The following ADAMTSL1 variants were observed in gnomAD, a reference collection of about 807,000 sequenced individuals.
ADAMTSL1 encodes the protein ADAMTS like 1.
A neutral mutation model predicts 201.8 loss-of-function variants in ADAMTSL1; 126 were observed. The ratio of observed to expected loss-of-function variants is 0.62; its 90% CI spans 0.54 to 0.72. The LOEUF is 0.72. Ranked by LOEUF, ADAMTSL1 falls within the 30% of genes least tolerant of loss-of-function variation. ADAMTSL1 has a pLI of 0.00. For missense variants in ADAMTSL1, 2,679 were observed against 2,277.8 expected, an observed-to-expected ratio of 1.18 and a Z score of -3.59; for synonymous variants, 1,121 against 903.4, an observed-to-expected ratio of 1.24 and a Z score of -4.32.
At chr9:18,833,357 G>T (rs1825110287) in intron 23 of ADAMTSL1, among the ~76,000 whole-genome samples, 1 of 152,132 alleles carries the variant, frequency 6.6e-6, no homozygotes, top group Non-Finnish European at 1.5e-5. Context: ...CCACAACCTT[G>T]CCAGCATCTG....
In ADAMTSL1 at chr9:18,779,643, A is replaced by G. The variant is rs185593533; in HGVS notation, c.3677+1737A>G. On this transcript the variant is annotated intron_variant, in intron 19 of 28. Coordinates refer to ENST00000380548, the MANE Select transcript of ADAMTSL1 (RefSeq NM_001040272.6). ...GCCCCCACAACTCATACTTTCCTTA[A>G]TCAGCTTAACTGCTCTTATCCCTGT... is the stretch of plus-strand genomic sequence containing the variant. Among the ~76,000 whole-genome samples, 18 of 152,236 alleles carry G rather than the reference A, an allele frequency of 1.2e-4. No homozygotes were observed. The East Asian group carries it at 3.5e-3, about 29-fold the overall frequency.
chr9:18,591,582 A>G (rs937049721), intron 4 of ADAMTSL1, among the ~76,000 whole-genome samples: 1 of 152,108 alleles, frequency 6.6e-6, no homozygotes, highest in African/African-American at 2.4e-5. Context: ...GTGATTTTGT[A>G]ACCTCTCTCT....
At chr9:18,099,355 A>ATATATATAT (rs1239180390) in intron 1 of ADAMTSL1, among the ~76,000 whole-genome samples, 1 of 45,562 alleles carries the variant, frequency 2.2e-5, no homozygotes, top group Non-Finnish European at 4.1e-5. Flanking sequence ...ATATATATAT[A>ATATATATAT]TTTTTTTTTT....
chr9:18,734,690 A>T (rs2133503261), intron 15 of ADAMTSL1, among the ~76,000 whole-genome samples: 1 of 152,332 alleles, frequency 6.6e-6, no homozygotes, highest in African/African-American at 2.4e-5. Flanking sequence ...CAGGTTAGAG[A>T]AGGTGACCTT....
At chr9:18,527,681 A>G (rs1441386660) in intron 2 of ADAMTSL1, among the ~76,000 whole-genome samples, 3 of 152,214 alleles carry the variant, frequency 2.0e-5, no homozygotes, top group African/African-American at 7.2e-5. Flanking sequence ...AGAGACAAAT[A>G]AAGTATGTAT....
chr9:18,746,309 G>C (rs1438621430), intron 15 of ADAMTSL1, among the ~76,000 whole-genome samples: 1 of 152,180 alleles, frequency 6.6e-6, no homozygotes, highest in Non-Finnish European at 1.5e-5. Flanking sequence ...CCTAGACCCT[G>C]TACGTGCCCC....
chr9:18,437,914 A>C (rs1315837448), intron 2 of ADAMTSL1, among the ~76,000 whole-genome samples: 1 of 152,094 alleles, frequency 6.6e-6, no homozygotes, highest in African/African-American at 2.4e-5. Flanking sequence ...TAACACTGAT[A>C]CACTCGCAGT....
intron 1 of ADAMTSL1, among the ~76,000 whole-genome samples, chr9:18,095,030 G>A (rs1441853493): frequency 6.6e-6 from 1 of 152,110 alleles, no homozygotes; most frequent in East Asian, 1.9e-4. Flanking sequence ...CTCTATGTAG[G>A]TCACAGGTTC....
In ADAMTSL1 at chr9:18,298,654, G is replaced by A. The variant is rs536324634; in HGVS notation, c.207+134673G>A. 2.7e-5 allele frequency among the ~76,000 whole-genome samples: 4 copies of A among 146,716 alleles called. No individual in the cohort carries two copies. In the South Asian group the frequency reaches 6.4e-4, roughly 23 times the overall value. On this transcript the variant is annotated intron_variant, in intron 2 of 29. Transcript: ENST00000680146. ...TTACCCTATAAAGCAAGCACTCTCA[G>A]TATTCTCATTTAACAAGTTAAAAAA...
intron 5 of ADAMTSL1, 56 bp from the exon 6 acceptor site, chr9:18,635,887 T>A: frequency 6.8e-7 from 1 of 1,466,632 alleles, no homozygotes; most frequent in East Asian, 2.3e-5. Flanking sequence ...TAGAAGGCAA[T>A]CAATAATTTT....
At chr9:18,187,130 A>G (rs1486965005) in intron 2 of ADAMTSL1, among the ~76,000 whole-genome samples, 3 of 152,098 alleles carry the variant, frequency 2.0e-5, no homozygotes, top group Non-Finnish European at 4.4e-5. Context: ...TCACATTTGG[A>G]GTGATGCAGC....
At chr9:18,413,318 C>T (rs985387633) in intron 2 of ADAMTSL1, among the ~76,000 whole-genome samples, 2 of 152,012 alleles carry the variant, frequency 1.3e-5, no homozygotes, top group Non-Finnish European at 2.9e-5. Flanking sequence ...GCGCCCGCCA[C>T]CACACCTGGC....
rs1376369341 is a variant in ADAMTSL1 at position 18,110,822 on chromosome 9, C to A, written c.88-53040C>A. ...CCTACTTATAAGTAATAGTTAAGGG[C>A]AAAAATGAATCTGGCTGATATGAAG... On this transcript the variant is annotated intron_variant, in intron 1 of 29. Transcript: ENST00000680146. Among the ~76,000 whole-genome samples the A allele has an allele frequency of 2.0e-5, 3 of 152,096 alleles. No homozygotes were observed. In the East Asian group the frequency reaches 5.8e-4, roughly 29 times the overall value.
intron 19 of ADAMTSL1, among the ~76,000 whole-genome samples, chr9:18,785,294 G>A (rs1821637429): frequency 6.6e-6 from 1 of 152,058 alleles, no homozygotes; most frequent in Non-Finnish European, 1.5e-5. Flanking sequence ...AGGCCACTGG[G>A]GTCAACTAGA....
chr9:18,907,670 C>T (rs1830393369), intron 28 of ADAMTSL1: 1 of 152,482 alleles, frequency 6.6e-6, no homozygotes, highest in Admixed American at 6.5e-5. Context: ...GCCATGTAGG[C>T]AAATAGCCCA....
At chr9:18,559,718 C>G (rs978763313) in intron 3 of ADAMTSL1, among the ~76,000 whole-genome samples, 1 of 152,108 alleles carries the variant, frequency 6.6e-6, no homozygotes, top group Non-Finnish European at 1.5e-5. Flanking sequence ...TGAAGAGGTT[C>G]TTCACATCCC....
At chr9:18,146,468 A>C (rs1207055737) in intron 1 of ADAMTSL1, among the ~76,000 whole-genome samples, 1 of 152,182 alleles carries the variant, frequency 6.6e-6, no homozygotes. Context: ...GCTAGCCTGA[A>C]AAAGCTACAT....
chr9:18,736,061 CAGA>C (rs1224671422), intron 15 of ADAMTSL1, among the ~76,000 whole-genome samples: 1 of 152,098 alleles, frequency 6.6e-6, no homozygotes, highest in Non-Finnish European at 1.5e-5. Context: ...TAGAAAACCA[CAGA>C]AGGAAACTGA....
intron 23 of ADAMTSL1, among the ~76,000 whole-genome samples, chr9:18,836,933 T>C (rs1347475907): frequency 2.0e-5 from 3 of 152,196 alleles, no homozygotes; most frequent in South Asian, 2.1e-4. Context: ...CATATAGAAA[T>C]GTTACTGATT....
Sources: gnomAD v4.1 joint callset for allele counts (sites outside exome capture counted in the v4.1 genomes callset) on GRCh38, gnomAD v4.1.1 for gene constraint, MANE v1.5 for transcripts, NCBI Gene and HGNC (gene_info 2026-07-23, HGNC 2026-07-21) for gene names.